Variants in ZMYM1 observed in about 807,000 individuals in gnomAD.
The protein encoded by ZMYM1 is zinc finger MYM-type protein 1.
A neutral mutation model predicts 60.0 loss-of-function variants in ZMYM1; 39 were observed. The observed-to-expected ratio is 0.65, with a 90% CI of 0.50 to 0.85. The LOEUF (loss-of-function observed/expected upper bound fraction) is 0.85. Among genes scored for constraint, ZMYM1 ranks in the 40% least tolerant of loss-of-function variants. The probability of loss-of-function intolerance (pLI) is 0.00; values close to 1 mark genes in which losing one functional copy is unlikely to be tolerated. For synonymous variants in ZMYM1, 413 were observed against 454.0 expected (o/e 0.91, Z 1.15); for missense variants, 1,171 against 1,309.5 (o/e 0.89, Z 1.63).
chr1:35,094,306 G>C (rs1235492746), intron 2 of ZMYM1, among the ~76,000 whole-genome samples: 1 of 152,182 alleles, frequency 6.6e-6, no homozygotes, highest in Non-Finnish European at 1.5e-5. Flanking sequence ...TTTTGCATAG[G>C]TAAAAGGATT....
intron 1 of ZMYM1, among the ~76,000 whole-genome samples, chr1:35,068,801 A>G (rs1348232394): frequency 6.6e-6 from 1 of 152,010 alleles, no homozygotes; most frequent in Non-Finnish European, 1.5e-5. Context: ...TAAGCAAAGA[A>G]TTCTTAGATG....
chr1:35,088,656 A>G (rs1218321147), intron 1 of ZMYM1, among the ~76,000 whole-genome samples: 2 of 151,392 alleles, frequency 1.3e-5, no homozygotes, highest in African/African-American at 4.8e-5. Context: ...ATATTAAAAG[A>G]AAGTCTGTAG....
chr1:35,098,872 A>C (rs112297903), intron 4 of ZMYM1, among the ~76,000 whole-genome samples: 4 of 32,030 alleles, frequency 1.2e-4, no homozygotes, highest in Admixed American at 7.3e-4. Flanking sequence ...AGGCCACTGC[A>C]CTGACTGTCT....
At chr1:35,087,850 C>T (rs1433217881) in intron 1 of ZMYM1, among the ~76,000 whole-genome samples, 1 of 151,974 alleles carries the variant, frequency 6.6e-6, no homozygotes, top group Non-Finnish European at 1.5e-5. Flanking sequence ...ATCATGAGGT[C>T]AGTAGTTCAA....
intron 1 of ZMYM1, among the ~76,000 whole-genome samples, chr1:35,088,272 G>T (rs1213523487): frequency 6.6e-6 from 1 of 151,394 alleles, no homozygotes; most frequent in African/African-American, 2.4e-5. Context: ...ACAAAAATTA[G>T]CTGAGCTTGG....
At chr1:35,089,720 T>C (rs1399455410) in intron 1 of ZMYM1, among the ~76,000 whole-genome samples, 2 of 149,302 alleles carry the variant, frequency 1.3e-5, no homozygotes, top group Non-Finnish European at 3.0e-5. Context: ...CTGCCCTCCA[T>C]AATGATTAGT....
At chr1:35,080,951 TTTTTTTTTTGAGACAGCA>T (rs1288134297) in intron 1 of ZMYM1, among the ~76,000 whole-genome samples, 5 of 151,172 alleles carry the variant, frequency 3.3e-5, no homozygotes, top group Admixed American at 2.6e-4. Context: ...TAAAATAATT[TTTTTTTTTTGAGACAGCA>T]TTTCACTCTT....
intron 4 of ZMYM1, among the ~76,000 whole-genome samples, chr1:35,101,852 T>C (rs1041164012): frequency 9.2e-5 from 14 of 152,138 alleles, no homozygotes; most frequent in African/African-American, 3.4e-4. Flanking sequence ...ATTAGGTGTA[T>C]TGATATTTTC....
upstream of ZMYM1, among the ~76,000 whole-genome samples, chr1:35,078,505 T>A (rs1642213876): frequency 6.6e-6 from 1 of 151,440 alleles, no homozygotes. Context: ...AAATATGCCA[T>A]TATTTTTGAC....
At chr1:35,091,236 A>AT (rs1642979973) in intron 1 of ZMYM1, among the ~76,000 whole-genome samples, 1 of 151,836 alleles carries the variant, frequency 6.6e-6, no homozygotes, top group Non-Finnish European at 1.5e-5. Context: ...TTATTTATTT[A>AT]TTTTGAGACG....
At chr1:35,116,142 G>C (rs531461404), downstream of ZMYM1, among the ~76,000 whole-genome samples, 254 of 152,224 alleles carry the variant, frequency 1.7e-3, 3 homozygotes, top group African/African-American at 5.8e-3. Flanking sequence ...GGCTGAGGCA[G>C]GAGGATTGCT....
In ZMYM1 at chr1:35,114,152, G is replaced by T. The variant is rs780412820; in HGVS notation, c.2322G>T (p.Leu774Phe). 8 of 1,610,492 alleles carry T rather than the reference G, an allele frequency of 5.0e-6. No individual in the cohort carries two copies. Among genetic ancestry groups the T allele is most frequent in the Non-Finnish European group, 5.1e-6 (6 of 1,179,134 alleles). ...LRSALKTLSSLFNTICMSGEM... is the reference protein window; with the variant it reads ...LRSALKTLSSFFNTICMSGEM... ...GTGCTCTAAAAACTCTCAGTTCTTTGTTCAACACTATTTGTATGTCTGGGG... is the reference window on the plus strand; with the variant it reads ...GTGCTCTAAAAACTCTCAGTTCTTTTTTCAACACTATTTGTATGTCTGGGG... Residue 774 changes from leucine (L) to phenylalanine (F), a missense_variant, in exon 10 of 10, where the codon TTG (leucine) becomes TTT (phenylalanine). Coordinates refer to ENST00000359858, the MANE Select transcript of ZMYM1 (RefSeq NM_024772.5).
chr1:35,071,820 GTTC>G (rs907057235), intron 1 of ZMYM1, among the ~76,000 whole-genome samples: 4 of 152,154 alleles, frequency 2.6e-5, no homozygotes, highest in African/African-American at 9.7e-5. Flanking sequence ...ATTGACATTA[GTTC>G]TTCTTTAAAT....
At chr1:35,116,069 AT>A (rs113648122), downstream of ZMYM1, among the ~76,000 whole-genome samples, 5,342 of 147,100 alleles carry the variant, frequency 0.036, 307 homozygotes, top group African/African-American at 0.12. Context: ...CATCACTACA[AT>A]TTTTTTTTTT....
At chr1:35,088,593 C>T (rs1160252216) in intron 1 of ZMYM1, among the ~76,000 whole-genome samples, 1 of 149,844 alleles carries the variant, frequency 6.7e-6, no homozygotes, top group African/African-American at 2.4e-5. Flanking sequence ...CTATTAATAC[C>T]TGTACTCTTT....
At chr1:35,109,158 A>G (rs1557703859) in intron 6 of ZMYM1, among the ~76,000 whole-genome samples, 1 of 151,964 alleles carries the variant, frequency 6.6e-6, no homozygotes, top group Non-Finnish European at 1.5e-5. Context: ...AGTAAATGGG[A>G]CTACAGGCGC....
intron 1 of ZMYM1, among the ~76,000 whole-genome samples, chr1:35,060,334 A>G (rs1203105045): frequency 6.6e-6 from 1 of 151,682 alleles, no homozygotes; most frequent in African/African-American, 2.4e-5. Context: ...CTAATTTTCT[A>G]TTTTTAGTAG....
upstream of ZMYM1, among the ~76,000 whole-genome samples, chr1:35,077,383 T>C (rs903469760): frequency 6.6e-6 from 1 of 152,196 alleles, no homozygotes; most frequent in Non-Finnish European, 1.5e-5. Context: ...ATTTAGTTTA[T>C]AGTTTAAAAC....
intron 9 of ZMYM1, among the ~76,000 whole-genome samples, chr1:35,112,582 A>ATATAT (rs371562047): frequency 0.88 from 127,345 of 144,194 alleles, 56,471 homozygotes; most frequent in Non-Finnish European, 0.93. Context: ...ATATATTATA[A>ATATAT]TGTATATTTA....
Sources: allele counts gnomAD v4.1 joint callset (sites outside exome capture counted in the v4.1 genomes callset), GRCh38; gene constraint gnomAD v4.1.1; transcripts MANE v1.5; gene names NCBI Gene and HGNC (gene_info 2026-07-23, HGNC 2026-07-21).